TENT4B: variants seen among roughly 807,000 people sequenced by gnomAD.
The protein encoded by TENT4B is terminal nucleotidyltransferase 4B, also known as PAP associated domain containing 5.
In TENT4B, 10 loss-of-function variants were observed where a neutral mutation model predicts 75.0. That is an observed-to-expected ratio of 0.13 (90% CI 0.08 to 0.23). The LOEUF is 0.23. Ranked by LOEUF, TENT4B falls within the 10% of genes least tolerant of loss-of-function variation. The pLI is 1.00. For missense variants in TENT4B, 579 were observed against 893.8 expected (o/e 0.65, Z 4.49); for synonymous variants, 350 against 357.7 (o/e 0.98, Z 0.24).
intron 1 of TENT4B, among the ~76,000 whole-genome samples, chr16:50,174,456 ATACT>A (rs1462273413): frequency 6.6e-6 from 1 of 152,204 alleles, no homozygotes; most frequent in East Asian, 1.9e-4. Flanking sequence ...TTTAAAATTA[ATACT>A]TAATAAAATA....
chr16:50,186,004 A>G (rs1178063058), intron 1 of TENT4B, among the ~76,000 whole-genome samples: 6 of 152,176 alleles, frequency 3.9e-5, no homozygotes, highest in Admixed American at 6.6e-5. Flanking sequence ...AAACATTTTT[A>G]TAGATATCCA....
Position 50,224,923 on chromosome 16 carries a change from A to C in TENT4B, c.1541A>C (p.Glu514Ala). 1 of 1,613,896 alleles carries C rather than the reference A, an allele frequency of 6.2e-7. No homozygotes were observed. The highest frequency in any genetic ancestry group is 8.5e-7 in the Non-Finnish European group (1 of 1,179,812). Residue 514 changes from glutamate to alanine, a missense_variant, in exon 9 of 12, where the codon GAA (glutamate) becomes GCA (alanine). Physicochemically the swap from Glu to Ala is moderately radical, Grantham distance 107 (BLOSUM62 -1). Coordinates refer to ENST00000561678, the MANE Select transcript of TENT4B (RefSeq NM_001365324.3). ...ILGRIIRVTD[E>A]VATYRDWISK... is the part of the protein sequence containing the mutation. Reference sequence around the variant, plus strand: ...GGTAGAATAATTAGAGTAACAGATGAAGTTGCCACATATAGAGATTGGATA... The same window carrying C: ...GGTAGAATAATTAGAGTAACAGATGCAGTTGCCACATATAGAGATTGGATA...
rs929513312 is a variant in TENT4B, at chr16:50,234,113, G to A, written c.*4785G>A. 26 of 985,314 alleles carry A rather than the reference G, an allele frequency of 2.6e-5. No individual in the cohort carries two copies. The highest frequency in any genetic ancestry group is 3.0e-5 in the Non-Finnish European group (25 of 829,958). 61.0% of individuals were successfully genotyped at this position (985,314 alleles called of 1,614,324 possible). A position where few individuals can be genotyped will look rare whatever the true frequency, so the allele number is the denominator to read the frequency against. On this transcript the variant is annotated 3_prime_UTR_variant, in exon 12 of 12. Transcript: ENST00000561678. ...GGGGAATGTTATTTATCTTAAAGATGCCTAGAAACAAAACGCATATAGTAC... is the reference window on the plus strand; with the variant it reads ...GGGGAATGTTATTTATCTTAAAGATACCTAGAAACAAAACGCATATAGTAC...
intron 1 of TENT4B, among the ~76,000 whole-genome samples, chr16:50,188,850 C>A (rs1567492836): frequency 6.6e-6 from 1 of 152,148 alleles, no homozygotes; most frequent in East Asian, 1.9e-4. Flanking sequence ...GGCAACATAG[C>A]AAGACCCTGA....
intron 1 of TENT4B, among the ~76,000 whole-genome samples, chr16:50,168,804 C>A (rs1408074878): frequency 6.6e-6 from 1 of 151,746 alleles, no homozygotes; most frequent in Admixed American, 6.6e-5. Flanking sequence ...CACCACCACA[C>A]CTGGCTAGTT....
At chr16:50,164,203 T>C (rs1416604954) in intron 1 of TENT4B, among the ~76,000 whole-genome samples, 2 of 152,140 alleles carry the variant, frequency 1.3e-5, no homozygotes, top group Non-Finnish European at 2.9e-5. Flanking sequence ...AAATGGGATC[T>C]CACCATTTTG....
chr16:50,233,178 A>G lies in TENT4B; in HGVS notation c.*3850A>G. On this transcript the variant is annotated 3_prime_UTR_variant, in exon 12 of 12. Transcript: ENST00000561678. The stretch of plus-strand genomic sequence containing the variant: ...TTTTCATCAGGGTCATAGTTCATCT[A>G]GTAAAATATTTAGAGAATGATGTTA... 1.0e-6 allele frequency: 1 copy of G among 984,704 alleles called. No individual in the cohort carries two copies. The highest frequency in any genetic ancestry group is 1.2e-6 in the Non-Finnish European group (1 of 829,254). The allele number at this position is 984,704 out of a possible 1,614,324, so 61.0% of individuals were successfully genotyped here.
At chr16:50,162,182 A>C (rs1348056410) in intron 1 of TENT4B, among the ~76,000 whole-genome samples, 3 of 152,140 alleles carry the variant, frequency 2.0e-5, no homozygotes, top group Non-Finnish European at 4.4e-5. Flanking sequence ...GAACCACACA[A>C]TTTGTTTAAC....
In TENT4B at chr16:50,233,944, TTAG is replaced by T. The variant is rs1266759072; in HGVS notation, c.*4621_*4623del. On this transcript the variant is annotated 3_prime_UTR_variant, in exon 12 of 12. Transcript: ENST00000561678. ...TTGTGTATTTCAGTGAACATTTTTA[TTAG>T]TAGTTGCATATCATCTCTAGTTCCA... is the stretch of plus-strand genomic sequence containing the variant. 2 of 985,372 alleles carry T rather than the reference TTAG, an allele frequency of 2.0e-6. No individual in the cohort carries two copies. Among genetic ancestry groups the T allele is most frequent in the Non-Finnish European group, 1.2e-6 (1 of 829,952 alleles). The allele number at this position is 985,372 out of a possible 1,614,324, so 61.0% of individuals were successfully genotyped here.
Position 50,233,670 on chromosome 16 carries a change from T to C in TENT4B, c.*4342T>C, listed in dbSNP as rs1043832360. The stretch of plus-strand genomic sequence containing the variant: ...TAAACTGCTAATGTTTATTTTACTG[T>C]CTCTCAGGTTTTTGGTTTTTTTAAA... On this transcript the variant is annotated 3_prime_UTR_variant, in exon 12 of 12. Coordinates refer to ENST00000561678, the MANE Select transcript of TENT4B (RefSeq NM_001365324.3). The C allele has an allele frequency of 4.1e-6, 4 of 973,176 alleles. No homozygotes were observed. Among genetic ancestry groups the C allele is most frequent in the African/African-American group, 3.6e-5 (2 of 55,986 alleles). 60.3% of individuals were successfully genotyped at this position (973,176 alleles called of 1,614,324 possible).
At chr16:50,189,812 C>G (rs375156040) in intron 1 of TENT4B, among the ~76,000 whole-genome samples, 1 of 151,620 alleles carries the variant, frequency 6.6e-6, no homozygotes, top group East Asian at 1.9e-4. Context: ...TTTGGGAGGC[C>G]GAGGCAGGCA....
intron 5 of TENT4B, among the ~76,000 whole-genome samples, chr16:50,221,709 G>A (rs1001731074): frequency 6.6e-6 from 1 of 151,950 alleles, no homozygotes; most frequent in Non-Finnish European, 1.5e-5. Context: ...AGAGGGTCAT[G>A]GTCACAAATG....
chr16:50,154,782 C>T (rs887402670), intron 1 of TENT4B, among the ~76,000 whole-genome samples: 1 of 152,190 alleles, frequency 6.6e-6, no homozygotes, highest in Non-Finnish European at 1.5e-5. Flanking sequence ...TCCCCATCCC[C>T]CAATCCCAGA....
Position 50,182,989 on chromosome 16 carries a change from G to C in TENT4B, c.639-28334G>C, listed in dbSNP as rs374958383. 7.8e-5 allele frequency among the ~76,000 whole-genome samples: 11 copies of C among 141,358 alleles called. No homozygotes were observed. In the East Asian group the frequency reaches 2.3e-3, roughly 30 times the overall value. The allele number at this position is 141,358 out of a possible 152,430, so 92.7% of individuals were successfully genotyped here. On this transcript the variant is annotated intron_variant, in intron 1 of 11. Transcript: ENST00000561678. Reference sequence around the variant, plus strand: ...CTGCCTCAGCCTCCGGAGTAGCTGGGATTATAGGTGTGCAGCACCACACCC... The same window carrying C: ...CTGCCTCAGCCTCCGGAGTAGCTGGCATTATAGGTGTGCAGCACCACACCC...
intron 2 of TENT4B, among the ~76,000 whole-genome samples, chr16:50,212,697 C>T (rs1390542856): frequency 6.6e-6 from 1 of 152,248 alleles, no homozygotes; most frequent in East Asian, 1.9e-4. Context: ...ATCAGTGGTT[C>T]TCAGCTAGTG....
At chr16:50,172,786 A>G (rs1375158524) in intron 1 of TENT4B, among the ~76,000 whole-genome samples, 1 of 152,144 alleles carries the variant, frequency 6.6e-6, no homozygotes, top group Non-Finnish European at 1.5e-5. Flanking sequence ...TCACTGCCCT[A>G]AAAATCCCCT....
At chr16:50,217,525 C>A (rs550086815) in intron 4 of TENT4B, 31 bp from the exon 5 acceptor site, 1 of 1,191,760 alleles carries the variant, frequency 8.4e-7, no homozygotes, top group Non-Finnish European at 1.2e-6. Flanking sequence ...CTGGTTAAAG[C>A]ATTTACATTT....
At position 50,234,585 on chromosome 16, in the gene TENT4B, T is replaced by C; in HGVS notation, c.*5257T>C. On this transcript the variant is annotated 3_prime_UTR_variant, in exon 12 of 12. Coordinates refer to ENST00000561678, the MANE Select transcript of TENT4B (RefSeq NM_001365324.3). ...TGTTTTGTCCCTGAACTTAATCTCCTAATTTTAAGATCCTCTCTGATTTTT... is the reference window on the plus strand; with the variant it reads ...TGTTTTGTCCCTGAACTTAATCTCCCAATTTTAAGATCCTCTCTGATTTTT... 1 of 983,462 alleles carries C rather than the reference T, an allele frequency of 1.0e-6. No individual in the cohort carries two copies. The highest frequency in any genetic ancestry group is 1.2e-6 in the Non-Finnish European group (1 of 828,128). 60.9% of individuals were successfully genotyped at this position (983,462 alleles called of 1,614,324 possible). A position where few individuals can be genotyped will look rare whatever the true frequency, so the allele number is the denominator to read the frequency against.
chr16:50,161,423 A>G (rs750952014), intron 1 of TENT4B, among the ~76,000 whole-genome samples: 9 of 152,182 alleles, frequency 5.9e-5, no homozygotes, highest in Non-Finnish European at 1.3e-4. Flanking sequence ...TGCACAAGAG[A>G]TTTCACATAG....
Sources: allele counts gnomAD v4.1 joint callset (sites outside exome capture counted in the v4.1 genomes callset), GRCh38; gene constraint gnomAD v4.1.1; transcripts MANE v1.5; gene names NCBI Gene and HGNC (gene_info 2026-07-23, HGNC 2026-07-21).